Variants in DNAJC27 observed in about 807,000 individuals in gnomAD.
The protein encoded by DNAJC27 is dnaJ homolog subfamily C member 27.
DNAJC27 carries 25 observed loss-of-function variants against 31.4 expected under a neutral mutation model. The ratio of observed to expected loss-of-function variants is 0.80; its 90% CI spans 0.58 to 1.11. DNAJC27 has a LOEUF of 1.11. Ranked by LOEUF, DNAJC27 falls within the 50% of genes most tolerant of loss-of-function variation. The pLI, the probability that DNAJC27 is intolerant of heterozygous loss-of-function variation, is 0.00. For missense variants in DNAJC27, 356 were observed against 347.3 expected, an observed-to-expected ratio of 1.02 and a Z score of -0.20; for synonymous variants, 106 against 112.7, an observed-to-expected ratio of 0.94 and a Z score of 0.37.
intron 5 of DNAJC27, among the ~76,000 whole-genome samples, chr2:24,955,027 CA>C (rs2149123777): frequency 6.6e-6 from 1 of 152,282 alleles, no homozygotes; most frequent in South Asian, 2.1e-4. Flanking sequence ...GGTGTTCAAT[CA>C]AAAACCACTA....
At chr2:24,971,777 C>A in intron 1 of DNAJC27, 41 bp downstream of exon 1, 1 of 1,556,562 alleles carries the variant, frequency 6.4e-7, no homozygotes, top group Non-Finnish European at 8.7e-7. Flanking sequence ...CACGTCGCCC[C>A]GCCACGCTGG....
intron 1 of DNAJC27, among the ~76,000 whole-genome samples, chr2:24,971,076 C>T (rs867528818): frequency 6.6e-6 from 1 of 152,156 alleles, no homozygotes; most frequent in African/African-American, 2.4e-5. Context: ...CCAACAGATT[C>T]CACTTGCCCA....
chr2:24,951,589 AT>A (rs778620793), intron 5 of DNAJC27, 35 bp from the exon 6 acceptor site: 3 of 1,568,272 alleles, frequency 1.9e-6, no homozygotes, highest in Non-Finnish European at 1.7e-6. Flanking sequence ...GGTAGAAATG[AT>A]TTTGTGAAAA....
At chr2:24,949,788 G>A (rs1195445134) in intron 6 of DNAJC27, among the ~76,000 whole-genome samples, 1 of 152,124 alleles carries the variant, frequency 6.6e-6, no homozygotes, top group Non-Finnish European at 1.5e-5. Flanking sequence ...CTACTAACAA[G>A]TAGATAAAGT....
Position 24,946,173 on chromosome 2 carries a change from G to C in DNAJC27, c.*1443C>G, listed in dbSNP as rs1558548834. 1 of 152,164 alleles carries C rather than the reference G, an allele frequency of 6.6e-6. No homozygotes were observed. The highest frequency in any genetic ancestry group is 1.5e-5 in the Non-Finnish European group (1 of 68,022). The allele number at this position is 152,164 out of a possible 1,614,324, so 9.4% of individuals were successfully genotyped here. ...ACTTCATCCATCCCTTGTATATCAAGGAGGAGACTGTGGTCAGAGAATGTA... is the reference window on the plus strand; with the variant it reads ...ACTTCATCCATCCCTTGTATATCAACGAGGAGACTGTGGTCAGAGAATGTA... On this transcript the variant is annotated 3_prime_UTR_variant, in exon 7 of 7. Coordinates refer to ENST00000264711, the MANE Select transcript of DNAJC27 (RefSeq NM_016544.3).
intron 1 of DNAJC27, among the ~76,000 whole-genome samples, chr2:24,970,698 GC>G (rs1666309237): frequency 6.6e-6 from 1 of 150,592 alleles, no homozygotes; most frequent in African/African-American, 2.4e-5. Flanking sequence ...CAAGTGATCC[GC>G]CCGCCTCGTC....
intron 5 of DNAJC27, among the ~76,000 whole-genome samples, chr2:24,952,163 A>G (rs1435822102): frequency 2.0e-5 from 3 of 152,220 alleles, no homozygotes; most frequent in Non-Finnish European, 4.4e-5. Flanking sequence ...GAACATTGTT[A>G]GAAAAATTCA....
intron 1 of DNAJC27, chr2:24,969,152 GGACTTAA>G: frequency 4.8e-6 from 1 of 209,260 alleles, no homozygotes; most frequent in South Asian, 8.8e-5. Flanking sequence ...GTCCCTTCTT[GGACTTAA>G]GAATTCTTAA....
At chr2:24,963,971 G>T (rs1466351218) in intron 2 of DNAJC27, among the ~76,000 whole-genome samples, 2 of 152,068 alleles carry the variant, frequency 1.3e-5, no homozygotes, top group African/African-American at 4.8e-5. Context: ...TAGTGAATTT[G>T]TTTTCAGATA....
chr2:24,965,098 T>A (rs559263555), intron 2 of DNAJC27, among the ~76,000 whole-genome samples: 1 of 151,360 alleles, frequency 6.6e-6, no homozygotes, highest in Non-Finnish European at 1.5e-5. Context: ...CCCAGCTACT[T>A]GGGAGGCTGA....
At chr2:24,957,368 C>T (rs1665932403) in intron 4 of DNAJC27, among the ~76,000 whole-genome samples, 1 of 152,184 alleles carries the variant, frequency 6.6e-6, no homozygotes, top group Non-Finnish European at 1.5e-5. Flanking sequence ...GGCAACAGGA[C>T]TAGTGCCTGC....
intron 5 of DNAJC27, among the ~76,000 whole-genome samples, chr2:24,952,937 T>C (rs1382271668): frequency 6.6e-6 from 1 of 152,130 alleles, no homozygotes; most frequent in African/African-American, 2.4e-5. Context: ...TTCTTTTTTT[T>C]GAGACAGGGT....
At chr2:24,969,438 G>C (rs1415779310) in intron 1 of DNAJC27, 2 of 188,540 alleles carry the variant, frequency 1.1e-5, no homozygotes, top group Admixed American at 1.2e-4. Flanking sequence ...AAATCTTTCT[G>C]GTGGAAACTG....
intron 5 of DNAJC27, 121 bp downstream of exon 5, chr2:24,956,922 T>G (rs1174885355): frequency 8.3e-7 from 1 of 1,211,148 alleles, no homozygotes; most frequent in African/African-American, 1.6e-5. Context: ...CTAGATTCTT[T>G]GAAAAGAAAG....
rs1254638331 is a variant in DNAJC27, at chr2:24,957,936, T to G, written c.279A>C (p.Ile93=). Residue 93 remains isoleucine, a synonymous_variant, in exon 4 of 7, where the codon ATA becomes ATC. Coordinates refer to ENST00000264711, the MANE Select transcript of DNAJC27 (RefSeq NM_016544.3). ...NEFYKDTQGV[I]LVYDVGQKDS... ...CTTTCTGCCCAACATCATAGACCAG[T>G]ATCACACCCTGTGTGTCCTTGTAAA... 6.2e-7 allele frequency: 1 copy of G among 1,614,024 alleles called. No homozygotes were observed.
In DNAJC27 at chr2:24,957,903, A is replaced by G; in HGVS notation, c.312T>C (p.Phe104=). 6.2e-7 allele frequency: 1 copy of G among 1,614,210 alleles called. No homozygotes were observed. The change falls in exon 4 of 7, where the codon TTT becomes TTC. Residue 104 remains phenylalanine (F), a synonymous_variant. Coordinates refer to ENST00000264711, the MANE Select transcript of DNAJC27 (RefSeq NM_016544.3). ...CTGCCAGCCACGCATCAAGGGCGTC[A>G]AAGGAGTCTTTCTGCCCAACATCAT... ...LVYDVGQKDS[F]DALDAWLAEM... is the part of the protein sequence containing the mutation.
chr2:24,963,991 A>G (rs1573116399), intron 2 of DNAJC27, among the ~76,000 whole-genome samples: 1 of 152,374 alleles, frequency 6.6e-6, no homozygotes, highest in East Asian at 1.9e-4. Context: ...ATTTGGAAAT[A>G]AAGAATAAAA....
In DNAJC27 at chr2:24,944,662, G is replaced by A. The variant is rs1026416543; in HGVS notation, c.*2954C>T. The A allele has an allele frequency of 1.3e-5, 2 of 152,520 alleles. No homozygotes were observed. Among genetic ancestry groups the A allele is most frequent in the African/African-American group, 4.8e-5 (2 of 41,414 alleles). 9.4% of individuals were successfully genotyped at this position (152,520 alleles called of 1,614,324 possible). A position where few individuals can be genotyped will look rare whatever the true frequency, so the allele number is the denominator to read the frequency against. ...CAAGTCTGGATTTTTAAATTAACAG[G>A]CTAAGAAAACTAAGGACACATTGAT... On this transcript the variant is annotated 3_prime_UTR_variant, in exon 7 of 7. Transcript: ENST00000264711.
chr2:24,959,960 C>T lies in DNAJC27; in HGVS notation c.241-1986G>A, dbSNP rs141413728. On this transcript the variant is annotated intron_variant, in intron 3 of 6. Coordinates refer to ENST00000264711, the MANE Select transcript of DNAJC27 (RefSeq NM_016544.3). The stretch of plus-strand genomic sequence containing the variant: ...TTCATGTATCCTCCCTTGTGTCACC[C>T]ACAGGGCCTAGCAGATGCAGGCACA... 6.8e-3 allele frequency among the ~76,000 whole-genome samples: 1,042 copies of T among 152,288 alleles called. 2 individuals carry two copies. Among genetic ancestry groups the T allele is most frequent in the Non-Finnish European group, 0.012 (794 of 68,010 alleles).
Sources: allele counts gnomAD v4.1 joint callset (sites outside exome capture counted in the v4.1 genomes callset), GRCh38; gene constraint gnomAD v4.1.1; transcripts MANE v1.5; gene names NCBI Gene and HGNC (gene_info 2026-07-23, HGNC 2026-07-21).